Variants in ZWILCH observed in about 807,000 individuals in gnomAD.
ZWILCH encodes protein zwilch homolog.
ZWILCH carries 74 observed loss-of-function variants against 79.9 expected under a neutral mutation model. The observed-to-expected ratio is 0.93, with a 90% CI of 0.77 to 1.12. The LOEUF is 1.12. Ranked by LOEUF, ZWILCH falls within the 50% of genes most tolerant of loss-of-function variation. ZWILCH has a pLI of 0.00. For missense variants in ZWILCH, 694 were observed against 687.5 expected (o/e 1.01, Z -0.11); for synonymous variants, 241 against 228.2 (o/e 1.06, Z -0.51).
In ZWILCH at chr15:66,549,097, A is replaced by G. The variant is rs1895495479; in HGVS notation, c.*773A>G. 1 of 152,664 alleles carries G rather than the reference A, an allele frequency of 6.6e-6. No homozygotes were observed. Among genetic ancestry groups the G allele is most frequent in the Non-Finnish European group, 1.5e-5 (1 of 68,384 alleles). The allele number at this position is 152,664 out of a possible 1,614,324, so 9.5% of individuals were successfully genotyped here. A position where few individuals can be genotyped will look rare whatever the true frequency, so the allele number is the denominator to read the frequency against. ...ATCTTTTTAAGAGTTAATGATAAGC[A>G]TATGTTATGTGCATTATTAATAAAA... On this transcript the variant is annotated 3_prime_UTR_variant, in exon 19 of 19. Coordinates refer to ENST00000307897, the MANE Select transcript of ZWILCH (RefSeq NM_017975.5).
intron 2 of ZWILCH, among the ~76,000 whole-genome samples, chr15:66,511,230 A>T (rs1450070320): frequency 1.3e-5 from 2 of 152,320 alleles, no homozygotes; most frequent in South Asian, 4.1e-4. Context: ...TCACACCTGT[A>T]ATCCTAGCAC....
At chr15:66,543,756 CAGAA>C (rs1895266685) in intron 17 of ZWILCH, among the ~76,000 whole-genome samples, 1 of 143,004 alleles carries the variant, frequency 7.0e-6, no homozygotes, top group Admixed American at 6.9e-5. Flanking sequence ...GACCCTGTCT[CAGAA>C]AAAAAAAAAA....
chr15:66,518,911 A>G lies in ZWILCH; in HGVS notation c.353A>G (p.Asn118Ser), dbSNP rs1389452465. The change falls in exon 5 of 19, where the codon AAT becomes AGT. Residue 118 changes from asparagine (N) to serine (S), a missense_variant. Asn to Ser is a conservative substitution (Grantham distance 46, BLOSUM62 1). Transcript: ENST00000307897. ...ATTGGACTTTACACCATGGCTCACAATCCTAATATGACCCATTTGAAGATT... is the reference window on the plus strand; with the variant it reads ...ATTGGACTTTACACCATGGCTCACAGTCCTAATATGACCCATTTGAAGATT... ...QLIGLYTMAH[N>S]PNMTHLKINL... 1.9e-6 allele frequency: 3 copies of G among 1,614,112 alleles called. No homozygotes were observed. Among genetic ancestry groups the G allele is most frequent in the Non-Finnish European group, 2.5e-6 (3 of 1,180,048 alleles).
intron 12 of ZWILCH, among the ~76,000 whole-genome samples, chr15:66,531,844 G>A (rs1360985491): frequency 2.0e-5 from 3 of 151,968 alleles, no homozygotes; most frequent in Non-Finnish European, 2.9e-5. Flanking sequence ...CGACGCGGGC[G>A]GATCACGAGA....
rs1217283809 is a variant in ZWILCH at position 66,549,888 on chromosome 15, A to T, written c.*1564A>T. 4.1e-6 allele frequency: 2 copies of T among 485,550 alleles called. No individual in the cohort carries two copies. The highest frequency in any genetic ancestry group is 7.4e-6 in the Non-Finnish European group (2 of 271,576). The allele number at this position is 485,550 out of a possible 1,614,324, so 30.1% of individuals were successfully genotyped here. A position where few individuals can be genotyped will look rare whatever the true frequency, so the allele number is the denominator to read the frequency against. On this transcript the variant is annotated 3_prime_UTR_variant, in exon 19 of 19. Coordinates refer to ENST00000307897, the MANE Select transcript of ZWILCH (RefSeq NM_017975.5). ...AATGCTTTAAAATGCTTATAAATAG[A>T]AATTTGACATTGCTTCAAAGAAACC...
chr15:66,538,833 ACTT>A (rs1305073262), intron 16 of ZWILCH, among the ~76,000 whole-genome samples: 13 of 152,058 alleles, frequency 8.5e-5, no homozygotes, highest in Admixed American at 2.6e-4. Flanking sequence ...CTTTTCAAGT[ACTT>A]CTTCTTCTGC....
chr15:66,544,257 C>CA (rs201291418), intron 17 of ZWILCH, among the ~76,000 whole-genome samples: 49,856 of 138,916 alleles, frequency 0.36, 8,479 homozygotes, highest in Admixed American at 0.43. Context: ...AACTCCATCT[C>CA]AAAAAAAAAA....
chr15:66,521,225 C>G lies in ZWILCH; in HGVS notation c.747+20C>G, dbSNP rs1595910615. 1 of 1,605,270 alleles carries G rather than the reference C, an allele frequency of 6.2e-7. No homozygotes were observed. Among genetic ancestry groups the G allele is most frequent in the Non-Finnish European group, 8.5e-7 (1 of 1,179,648 alleles). The stretch of plus-strand genomic sequence containing the variant: ...ACTCTGGTAAGAGTGGGCCCTATTT[C>G]CTTTTCGGGTTCATGAGACTCCTAA... On this transcript the variant is annotated intron_variant, in intron 7 of 18. Transcript: ENST00000307897.
At position 66,517,455 on chromosome 15, in the gene ZWILCH, T is replaced by TATATATATATATATATATAA; in HGVS notation, c.321-1423_321-1422insTATATATATATATATATAAA. 1.7e-5 allele frequency among the ~76,000 whole-genome samples: 2 copies of TATATATATATATATATATAA among 115,222 alleles called. 1 individual carries two copies. Among genetic ancestry groups the TATATATATATATATATATAA allele is most frequent in the South Asian group, 5.8e-4 (2 of 3,432 alleles). The allele number at this position is 115,222 out of a possible 152,430, so 75.6% of individuals were successfully genotyped here. On this transcript the variant is annotated intron_variant, in intron 4 of 18. Transcript: ENST00000307897. The stretch of plus-strand genomic sequence containing the variant: ...GTATATATATATATATATATATATA[T>TATATATATATATATATATAA]AGTAATGTACACACATACACCATTT...
At chr15:66,518,234 C>T (rs943746044) in intron 4 of ZWILCH, among the ~76,000 whole-genome samples, 7 of 151,108 alleles carry the variant, frequency 4.6e-5, no homozygotes, top group African/African-American at 1.7e-4. Context: ...TATACATATA[C>T]ATACATGTTG....
Position 66,531,837 on chromosome 15 carries a change from C to T in ZWILCH, c.1156-410C>T, listed in dbSNP as rs1054671004. Among the ~76,000 whole-genome samples, 24 of 152,096 alleles carry T rather than the reference C, an allele frequency of 1.6e-4. 1 individual carries two copies. The highest frequency in any genetic ancestry group is 1.3e-3 in the Admixed American group (20 of 15,282). On this transcript the variant is annotated intron_variant, in intron 12 of 18. Transcript: ENST00000307897. ...TAATCCCAGCACTTTGGGAGTCCGA[C>T]GCGGGCGGATCACGAGATCAGGACT...
At chr15:66,542,526 TG>T (rs1223259639) in intron 17 of ZWILCH, among the ~76,000 whole-genome samples, 1 of 152,014 alleles carries the variant, frequency 6.6e-6, no homozygotes, top group African/African-American at 2.4e-5. Flanking sequence ...CGGAGGTTGC[TG>T]TGAGCCAAGA....
intron 1 of ZWILCH, among the ~76,000 whole-genome samples, chr15:66,506,914 T>A (rs1893849944): frequency 6.6e-6 from 1 of 151,238 alleles, no homozygotes; most frequent in South Asian, 2.1e-4. Flanking sequence ...TGGAGTGCAG[T>A]GGTGCGATTT....
intron 1 of ZWILCH, 163 bp from the exon 2 acceptor site, chr15:66,508,678 C>A: frequency 7.4e-7 from 1 of 1,346,084 alleles, no homozygotes; most frequent in Non-Finnish European, 9.6e-7. Context: ...TTCTTTTCTG[C>A]TTTTTTTCTC....
intron 13 of ZWILCH, among the ~76,000 whole-genome samples, chr15:66,532,767 T>C (rs1021264965): frequency 2.0e-5 from 3 of 151,972 alleles, no homozygotes; most frequent in Non-Finnish European, 4.4e-5. Flanking sequence ...AATATTAGTA[T>C]ATATTTATGG....
At chr15:66,522,538 C>T (rs942890521) in intron 7 of ZWILCH, among the ~76,000 whole-genome samples, 2 of 151,756 alleles carry the variant, frequency 1.3e-5, no homozygotes, top group African/African-American at 4.8e-5. Context: ...CGGGTTTTCA[C>T]CATGTTGGCC....
rs546635278 is a variant in ZWILCH, at chr15:66,548,617, A to G, written c.*293A>G. The G allele has an allele frequency of 5.2e-5, 72 of 1,380,284 alleles. No individual in the cohort carries two copies. In the South Asian group the frequency reaches 7.9e-4, roughly 15 times the overall value. The allele number at this position is 1,380,284 out of a possible 1,614,324, so 85.5% of individuals were successfully genotyped here. A position where few individuals can be genotyped will look rare whatever the true frequency, so the allele number is the denominator to read the frequency against. On this transcript the variant is annotated 3_prime_UTR_variant, in exon 19 of 19. Transcript: ENST00000307897. ...ACTTAGCAAGGGCTCTGAAATGACA[A>G]AGAGAACGAGCACCACAAATGAGAA...
chr15:66,541,456 A>T (rs925940617), intron 17 of ZWILCH, among the ~76,000 whole-genome samples: 8 of 152,182 alleles, frequency 5.3e-5, no homozygotes, highest in Non-Finnish European at 1.0e-4. Flanking sequence ...GGGACATAGG[A>T]GTAAAAATAG....
At chr15:66,515,103 G>A (rs1894204114) in intron 3 of ZWILCH, among the ~76,000 whole-genome samples, 3 of 151,308 alleles carry the variant, frequency 2.0e-5, no homozygotes, top group South Asian at 4.2e-4. Context: ...CACCACCCTG[G>A]CTGATTTTTT....
Sources: gnomAD v4.1 joint callset for allele counts (sites outside exome capture counted in the v4.1 genomes callset) on GRCh38, gnomAD v4.1.1 for gene constraint, MANE v1.5 for transcripts, NCBI Gene and HGNC (gene_info 2026-07-23, HGNC 2026-07-21) for gene names.